Variants in PPHLN1 observed in about 807,000 individuals in gnomAD.
PPHLN1 encodes the protein periphilin 1.
PPHLN1 carries 29 observed loss-of-function variants against 51.3 expected under a neutral mutation model. The ratio of observed to expected loss-of-function variants is 0.57; its 90% CI spans 0.42 to 0.77. PPHLN1 has a LOEUF of 0.77. PPHLN1 is among the 30% of genes least tolerant of loss of function. The pLI is 0.00. For synonymous variants in PPHLN1, 147 were observed against 147.8 expected (o/e 0.99, Z 0.04); for missense variants, 436 against 438.4 (o/e 0.99, Z 0.05).
intron 9 of PPHLN1, among the ~76,000 whole-genome samples, chr12:42,404,062 G>T (rs1379211221): frequency 6.6e-6 from 1 of 150,770 alleles, no homozygotes; most frequent in Admixed American, 6.6e-5. Context: ...TTGAAACGAG[G>T]TCTCACTGCA....
chr12:42,363,129 C>G (rs183530776), intron 4 of PPHLN1, among the ~76,000 whole-genome samples: 1 of 152,132 alleles, frequency 6.6e-6, no homozygotes, highest in African/African-American at 2.4e-5. Context: ...AGTTTTTTCT[C>G]TGACCCAGAA....
chr12:42,349,986 GCAGAGGGGGCCCTCCCACCCCC>G (rs1472087672), intron 2 of PPHLN1, among the ~76,000 whole-genome samples: 44 of 151,074 alleles, frequency 2.9e-4, no homozygotes, highest in African/African-American at 6.8e-4. Flanking sequence ...TGGTGGCGGG[GCAGAGGGGGCCCTCCCACCCCC>G]CAGAGGGGGT....
intron 7 of PPHLN1, among the ~76,000 whole-genome samples, chr12:42,391,195 G>A (rs969471945): frequency 2.6e-5 from 4 of 152,074 alleles, no homozygotes; most frequent in Non-Finnish European, 5.9e-5. Flanking sequence ...ATAGGTTTTC[G>A]AATGTGCAGA....
At chr12:42,439,899 T>C (rs751587210) in intron 9 of PPHLN1, among the ~76,000 whole-genome samples, 1 of 152,098 alleles carries the variant, frequency 6.6e-6, no homozygotes, top group Non-Finnish European at 1.5e-5. Flanking sequence ...TTATTATGGG[T>C]TTCCTGCCTT....
chr12:42,335,245 A>C (rs558827503), intron 1 of PPHLN1, among the ~76,000 whole-genome samples: 1 of 152,240 alleles, frequency 6.6e-6, no homozygotes, highest in African/African-American at 2.4e-5. Context: ...CCAAACCTGA[A>C]AAATGTTGAC....
Position 42,441,913 on chromosome 12 carries a change from G to C in PPHLN1, c.*404G>C, listed in dbSNP as rs2082999764. On this transcript the variant is annotated 3_prime_UTR_variant, in exon 10 of 10. Coordinates refer to ENST00000358314, the MANE Select transcript of PPHLN1 (RefSeq NM_201439.2). ...TCTTAGGCTTTGTAACTTGTAATAT[G>C]TTAAAGTGTACTATCCTAATAAACT... 1.0e-6 allele frequency: 1 copy of C among 977,956 alleles called. No homozygotes were observed. The highest frequency in any genetic ancestry group is 1.2e-6 in the Non-Finnish European group (1 of 821,858). The allele number at this position is 977,956 out of a possible 1,614,324, so 60.6% of individuals were successfully genotyped here.
chr12:42,330,901 G>A (rs908816053), intron 1 of PPHLN1, among the ~76,000 whole-genome samples: 1 of 152,136 alleles, frequency 6.6e-6, no homozygotes, highest in African/African-American at 2.4e-5. Flanking sequence ...GGTAGAGACG[G>A]GGTTTCACCA....
chr12:42,440,566 T>C (rs2082856318), intron 9 of PPHLN1, among the ~76,000 whole-genome samples: 1 of 152,244 alleles, frequency 6.6e-6, no homozygotes, highest in Non-Finnish European at 1.5e-5. Flanking sequence ...CATGAGAACC[T>C]GAGAATAATA....
At chr12:42,371,250 G>T (rs1005333753) in intron 4 of PPHLN1, among the ~76,000 whole-genome samples, 1 of 151,398 alleles carries the variant, frequency 6.6e-6, no homozygotes. Context: ...CCCCTGAATA[G>T]CTGGGAGTAC....
Position 42,384,948 on chromosome 12 carries a change from C to CGT in PPHLN1, c.521_522dup (p.Pro175ValfsTer25). ...TGCCCACCTTTCCATAGAGTCCGTGCGTCCTGGTGCCTCCTACAAACGGCA... is the reference window on the plus strand; with the variant it reads ...TGCCCACCTTTCCATAGAGTCCGTGCGTGTCCTGGTGCCTCCTACAAACGGCA... On this transcript the variant is annotated frameshift_variant, in exon 6 of 10. Transcript: ENST00000358314. LOFTEE classifies it high-confidence loss of function. The CGT allele has an allele frequency of 6.2e-7, 1 of 1,609,990 alleles. No individual in the cohort carries two copies. The highest frequency in any genetic ancestry group is 8.5e-7 in the Non-Finnish European group (1 of 1,176,220).
At chr12:42,350,451 G>C (rs1942173490) in intron 2 of PPHLN1, among the ~76,000 whole-genome samples, 2 of 151,828 alleles carry the variant, frequency 1.3e-5, no homozygotes, top group African/African-American at 2.4e-5. Flanking sequence ...TGGGATGGCA[G>C]CCAGGAAGAG....
At chr12:42,441,287 G>T (rs781016182) in intron 9 of PPHLN1, 28 bp from the exon 10 acceptor site, 1 of 1,573,976 alleles carries the variant, frequency 6.4e-7, no homozygotes, top group East Asian at 2.3e-5. Flanking sequence ...TTCATTCTCA[G>T]CTAACCAGAA....
At chr12:42,400,730 T>G (rs77653082) in intron 9 of PPHLN1, among the ~76,000 whole-genome samples, 3,805 of 151,360 alleles carry the variant, frequency 0.025, 68 homozygotes, top group Middle Eastern at 0.051. Flanking sequence ...AAAACTTGAT[T>G]GAAATAACAG....
intron 2 of PPHLN1, chr12:42,343,771 G>A: frequency 3.0e-6 from 1 of 329,760 alleles, no homozygotes; most frequent in Non-Finnish European, 5.8e-6. Context: ...GAAGAAATGT[G>A]ATCAATTCTT....
chr12:42,415,773 CAGA>C (rs1456248469), intron 9 of PPHLN1, among the ~76,000 whole-genome samples: 1 of 152,178 alleles, frequency 6.6e-6, no homozygotes, highest in Admixed American at 6.5e-5. Flanking sequence ...TTTTTTGAGG[CAGA>C]AGAATTTTCT....
At chr12:42,384,582 C>T (rs888423125) in intron 5 of PPHLN1, among the ~76,000 whole-genome samples, 6 of 152,126 alleles carry the variant, frequency 3.9e-5, no homozygotes, top group Admixed American at 1.3e-4. Flanking sequence ...GGAGAGAATT[C>T]GACTAGGTAC....
At chr12:42,423,557 C>G (rs769029832) in intron 9 of PPHLN1, among the ~76,000 whole-genome samples, 1 of 152,028 alleles carries the variant, frequency 6.6e-6, no homozygotes, top group African/African-American at 2.4e-5. Flanking sequence ...TTCTATTATC[C>G]TACATTTCTA....
rs75823212 is a variant in PPHLN1 at position 42,405,816 on chromosome 12, G to C, written c.909+6822G>C. Among the ~76,000 whole-genome samples the C allele has an allele frequency of 4.4e-3, 676 of 152,192 alleles. 33 individuals carry two copies. The East Asian group carries it at 0.085, about 19-fold the overall frequency. On this transcript the variant is annotated intron_variant, in intron 9 of 9. Transcript: ENST00000358314. ...TTAATTTTCCAGTTGGCTGAAGTTA[G>C]CCATGCTAAACTCTGCTATGTTTGT...
intron 6 of PPHLN1, 94 bp downstream of exon 6, chr12:42,385,090 T>TTCC: frequency 7.8e-7 from 1 of 1,284,776 alleles, no homozygotes; most frequent in Non-Finnish European, 1.1e-6. Flanking sequence ...GTATAACTGC[T>TTCC]CCATTAGTCT....
Sources: gnomAD v4.1 joint callset for allele counts (sites outside exome capture counted in the v4.1 genomes callset) on GRCh38, gnomAD v4.1.1 for gene constraint, MANE v1.5 for transcripts, NCBI Gene and HGNC (gene_info 2026-07-23, HGNC 2026-07-21) for gene names.